DNAH3: variants seen among roughly 807,000 people sequenced by gnomAD.
DNAH3 encodes the protein axonemal beta dynein heavy chain 3.
A neutral mutation model predicts 432.5 loss-of-function variants in DNAH3; 332 were observed. That is an observed-to-expected ratio of 0.77 (90% CI 0.70 to 0.84). DNAH3 has a LOEUF of 0.84. DNAH3 is among the 40% of genes least tolerant of loss of function. DNAH3 has a pLI of 0.00. For missense variants in DNAH3, 4,861 were observed against 5,114.0 expected (o/e 0.95, Z 1.51); for synonymous variants, 1,956 against 1,900.2 (o/e 1.03, Z -0.76).
intron 2 of DNAH3, 51 bp from the exon 4 acceptor site, chr16:21,145,457 G>A (rs2092771651): frequency 4.0e-6 from 6 of 1,504,030 alleles, no homozygotes; most frequent in African/African-American, 1.4e-5. Context: ...ATCTCTCGAT[G>A]AGCCTGAGCT....
chr16:21,044,612 T>C (rs1308990950), intron 31 of DNAH3, among the ~76,000 whole-genome samples: 1 of 64,288 alleles, frequency 1.6e-5, no homozygotes, highest in Admixed American at 1.8e-4. Flanking sequence ...AATCATGTCG[T>C]CTGCAAACAG....
chr16:20,980,536 C>T (rs1344107542), intron 49 of DNAH3, among the ~76,000 whole-genome samples: 1 of 151,266 alleles, frequency 6.6e-6, no homozygotes, highest in Non-Finnish European at 1.5e-5. Flanking sequence ...CCACACCCAG[C>T]TAATCTTCTG....
rs1482255629 is a variant in DNAH3 at position 21,097,514 on chromosome 16, G to C, written c.2521-15C>G. ...TTATTGATCAACTGCAGGGCAAAAGGAGATGCTGTTTATGGGATGGGTTGT... is the reference window on the plus strand; with the variant it reads ...TTATTGATCAACTGCAGGGCAAAAGCAGATGCTGTTTATGGGATGGGTTGT... On this transcript the variant is annotated splice_polypyrimidine_tract_variant and intron_variant, in intron 17 of 61. Coordinates refer to ENST00000261383, the Ensembl canonical transcript of DNAH3. The C allele has an allele frequency of 6.2e-7, 1 of 1,611,690 alleles. No homozygotes were observed. The highest frequency in any genetic ancestry group is 1.7e-5 in the Admixed American group (1 of 59,978).
At chr16:20,950,385 T>A (rs111544174) in intron 56 of DNAH3, among the ~76,000 whole-genome samples, 1 of 152,174 alleles carries the variant, frequency 6.6e-6, no homozygotes, top group African/African-American at 2.4e-5. Context: ...GACTGTTCAG[T>A]AGCATCCCTA....
At chr16:21,157,668 A>G (rs1477017674) in intron 1 of DNAH3, among the ~76,000 whole-genome samples, 2 of 152,140 alleles carry the variant, frequency 1.3e-5, no homozygotes, top group Non-Finnish European at 2.9e-5. Flanking sequence ...CCAGGTTGCT[A>G]TGGCCACAGG....
rs111784097 is a variant in DNAH3 at position 21,108,745 on chromosome 16, T to G, written c.2100-2071A>C. On this transcript the variant is annotated intron_variant, in intron 14 of 61. Coordinates refer to ENST00000261383, the Ensembl canonical transcript of DNAH3. ...GCAACAGAGTAAGACCCTGTCTCAA[T>G]TTTTTAAAAAGTGTCCGAGTAGTGT... Among the ~76,000 whole-genome samples, 450 of 150,008 alleles carry G rather than the reference T, an allele frequency of 3.0e-3. 2 individuals are homozygous for G. The highest frequency in any genetic ancestry group is 8.9e-3 in the African/African-American group (363 of 40,792).
rs1009276515 is a variant in DNAH3 at position 21,051,577 on chromosome 16, G to A, written c.4238+93C>T. ...AATAATCTGAAGTGTGAAGGGTAAA[G>A]GTAACCCAAGACATCCCTAACTTTC... On this transcript the variant is annotated intron_variant, in intron 29 of 61. Coordinates refer to ENST00000261383, the Ensembl canonical transcript of DNAH3. The A allele has an allele frequency of 3.8e-6, 5 of 1,301,314 alleles. No homozygotes were observed. The African/African-American group carries it at 4.4e-5, about 11-fold the overall frequency. 80.6% of individuals were successfully genotyped at this position (1,301,314 alleles called of 1,614,324 possible). A position where few individuals can be genotyped will look rare whatever the true frequency, so the allele number is the denominator to read the frequency against.
At chr16:21,058,059 C>T in intron 27 of DNAH3, 27 bp downstream of exon 27, 1 of 1,276,336 alleles carries the variant, frequency 7.8e-7, no homozygotes, top group Non-Finnish European at 1.1e-6. Flanking sequence ...TGGATCTCTT[C>T]TGTAACTTTG....
intron 58 of DNAH3, among the ~76,000 whole-genome samples, chr16:20,942,625 G>A (rs1401850858): frequency 5.9e-5 from 9 of 152,200 alleles, no homozygotes; most frequent in Non-Finnish European, 1.0e-4. Context: ...AGGTGGAGAA[G>A]GGAAGGGATG....
chr16:20,958,072 ATTTTTTTT>A (rs35285615), intron 54 of DNAH3, among the ~76,000 whole-genome samples: 3 of 138,072 alleles, frequency 2.2e-5, no homozygotes, highest in Non-Finnish European at 3.1e-5. Context: ...AAACAGTAGA[ATTTTTTTT>A]TTTTTTTTTT....
rs776430355 is a variant in DNAH3, at chr16:21,022,114, C to T, written c.5647-14G>A. On this transcript the variant is annotated splice_polypyrimidine_tract_variant and intron_variant, in intron 39 of 61. Transcript: ENST00000261383. ...CATGTCATTGACCTGAGAGTAGAAA[C>T]CTCCATGAGACTTGGAGACATGATC... 4 of 1,613,488 alleles carry T rather than the reference C, an allele frequency of 2.5e-6. No individual in the cohort carries two copies. The highest frequency in any genetic ancestry group is 3.4e-6 in the Non-Finnish European group (4 of 1,179,846).
intron 16 of DNAH3, among the ~76,000 whole-genome samples, chr16:21,099,668 G>C (rs2091786427): frequency 6.6e-6 from 1 of 151,870 alleles, no homozygotes; most frequent in South Asian, 2.1e-4. Flanking sequence ...ATAAAACAAG[G>C]ATAGAAAAAA....
chr16:20,975,210 C>G (rs2152647084), intron 51 of DNAH3, 23 bp downstream of exon 51: 1 of 1,611,196 alleles, frequency 6.2e-7, no homozygotes, highest in Non-Finnish European at 8.5e-7. Context: ...CCAGTTCCCT[C>G]CCTTTCTTCT....
chr16:21,126,756 G>A lies in DNAH3; in HGVS notation c.1208+931C>T, dbSNP rs560142683. On this transcript the variant is annotated intron_variant, in intron 8 of 61. Transcript: ENST00000261383. ...CCGCTCCCCATGGCTTTTTTTAACCGCCTGAGCTCTGCCTCCTGTCAGATC... is the reference window on the plus strand; with the variant it reads ...CCGCTCCCCATGGCTTTTTTTAACCACCTGAGCTCTGCCTCCTGTCAGATC... Among the ~76,000 whole-genome samples the A allele has an allele frequency of 1.5e-3, 225 of 152,126 alleles. 1 individual carries two copies. The highest frequency in any genetic ancestry group is 6.8e-3 in the Middle Eastern group (2 of 294).
chr16:21,050,857 T>C (rs182396565), intron 29 of DNAH3, among the ~76,000 whole-genome samples: 36 of 152,218 alleles, frequency 2.4e-4, no homozygotes, highest in African/African-American at 8.4e-4. Flanking sequence ...AAATGAATGA[T>C]GTAATAACTG....
rs1015376972 is a variant in DNAH3, at chr16:21,091,121, C to T, written c.2666-4061G>A. 2.6e-5 allele frequency among the ~76,000 whole-genome samples: 4 copies of T among 151,828 alleles called. No individual in the cohort carries two copies. In the South Asian group the frequency reaches 8.4e-4, roughly 32 times the overall value. On this transcript the variant is annotated intron_variant, in intron 18 of 61. Coordinates refer to ENST00000261383, the Ensembl canonical transcript of DNAH3. ...TGAGCCGAGGTTACGTCACTGTGGT[C>T]CAACCTAGGTGGCAGAGCGAGACCC...
rs35184081 is a variant in DNAH3, at chr16:21,150,323, G to A, written c.118-4235C>T. 3.6e-3 allele frequency: 1,624 copies of A among 455,046 alleles called. 5 individuals carry two copies. The highest frequency in any genetic ancestry group is 5.8e-3 in the Non-Finnish European group (1,315 of 226,664). 28.2% of individuals were successfully genotyped at this position (455,046 alleles called of 1,614,324 possible). ...ATGAGCAATCCATGTCACCCATGGT[G>A]TCCACTCTAATTGTAGCTATTTTTT... On this transcript the variant is annotated intron_variant, in intron 1 of 61. Coordinates refer to ENST00000261383, the Ensembl canonical transcript of DNAH3.
intron 50 of DNAH3, among the ~76,000 whole-genome samples, chr16:20,976,493 A>G (rs751221522): frequency 6.6e-6 from 1 of 152,192 alleles, no homozygotes; most frequent in Non-Finnish European, 1.5e-5. Context: ...GTGCCCAGCC[A>G]AAATAATTTT....
In DNAH3 at chr16:20,979,054, TA is replaced by T. The variant is rs891946856; in HGVS notation, c.8076+275del. Among the ~76,000 whole-genome samples, 23 of 149,970 alleles carry T rather than the reference TA, an allele frequency of 1.5e-4. 1 individual carries two copies. Among genetic ancestry groups the T allele is most frequent in the South Asian group, 8.4e-4 (4 of 4,742 alleles). On this transcript the variant is annotated intron_variant, in intron 50 of 61. Transcript: ENST00000261383. ...TTGAGGACAAAACTTAAGGGGTCAT[TA>T]AAAAAAAAGTACTCAAGATAAATAA...
Sources: gnomAD v4.1 joint callset for allele counts (sites outside exome capture counted in the v4.1 genomes callset) on GRCh38, gnomAD v4.1.1 for gene constraint, MANE v1.5 for transcripts, NCBI Gene and HGNC (gene_info 2026-07-23, HGNC 2026-07-21) for gene names.